Variants in CNTNAP5 observed in about 807,000 individuals in gnomAD.
CNTNAP5 encodes the protein contactin-associated protein-like 5.
In CNTNAP5, 72 loss-of-function variants were observed where a neutral mutation model predicts 150.2. That is an observed-to-expected ratio of 0.48 (90% CI 0.40 to 0.58). CNTNAP5 has a LOEUF of 0.58. Among genes scored for constraint, CNTNAP5 ranks in the 20% least tolerant of loss-of-function variants. CNTNAP5 has a pLI of 0.00. For missense variants in CNTNAP5, 1,636 were observed against 1,626.2 expected, an observed-to-expected ratio of 1.01 and a Z score of -0.10; for synonymous variants, 672 against 619.8, an observed-to-expected ratio of 1.08 and a Z score of -1.25.
chr2:124,204,851 A>T (rs1474756202), intron 1 of CNTNAP5, among the ~76,000 whole-genome samples: 1 of 151,912 alleles, frequency 6.6e-6, no homozygotes, highest in East Asian at 1.9e-4. Flanking sequence ...GGACACAGCC[A>T]AACCATATCA....
chr2:124,859,435 A>T (rs1573667275), intron 19 of CNTNAP5, among the ~76,000 whole-genome samples: 1 of 152,340 alleles, frequency 6.6e-6, no homozygotes, highest in East Asian at 1.9e-4. Context: ...ATGTGGAGAA[A>T]TAGGAACACT....
intron 19 of CNTNAP5, among the ~76,000 whole-genome samples, chr2:124,863,192 G>T (rs1430213806): frequency 6.6e-6 from 1 of 152,202 alleles, no homozygotes; most frequent in African/African-American, 2.4e-5. Flanking sequence ...CGATCACTAT[G>T]TCTGGCACGT....
intron 2 of CNTNAP5, among the ~76,000 whole-genome samples, chr2:124,229,342 G>A (rs546587362): frequency 6.6e-6 from 1 of 152,198 alleles, no homozygotes; most frequent in East Asian, 1.9e-4. Flanking sequence ...CAAGGTCTGG[G>A]CAATCCGGCA....
chr2:124,736,419 C>G (rs975409779), intron 13 of CNTNAP5, among the ~76,000 whole-genome samples: 16 of 152,112 alleles, frequency 1.1e-4, no homozygotes, highest in Admixed American at 9.8e-4. Context: ...CTTATCCTTT[C>G]ATTGTGAAGA....
At chr2:124,328,180 C>T (rs1022752392) in intron 3 of CNTNAP5, among the ~76,000 whole-genome samples, 10 of 151,534 alleles carry the variant, frequency 6.6e-5, no homozygotes, top group South Asian at 6.3e-4. Context: ...TCCCATTTTT[C>T]ATTTATCATA....
intron 11 of CNTNAP5, among the ~76,000 whole-genome samples, chr2:124,588,314 GA>G: frequency 6.6e-6 from 1 of 150,480 alleles, no homozygotes; most frequent in South Asian, 2.1e-4. Flanking sequence ...AGAATTACCT[GA>G]CACTATTATG....
chr2:124,402,479 G>A (rs1691452290), intron 3 of CNTNAP5, among the ~76,000 whole-genome samples: 2 of 152,208 alleles, frequency 1.3e-5, no homozygotes, highest in South Asian at 4.1e-4. Context: ...AGCTCTGAGA[G>A]CCTATACCCA....
At chr2:124,318,223 C>T (rs1385707840) in intron 3 of CNTNAP5, among the ~76,000 whole-genome samples, 1 of 152,188 alleles carries the variant, frequency 6.6e-6, no homozygotes, top group Non-Finnish European at 1.5e-5. Context: ...GCGAAGCAAA[C>T]AGGGGCAAGT....
chr2:124,516,116 AAGT>A (rs2104877222), intron 8 of CNTNAP5, among the ~76,000 whole-genome samples: 1 of 152,322 alleles, frequency 6.6e-6, no homozygotes, highest in South Asian at 2.1e-4. Context: ...AATCTACCAT[AAGT>A]AGGGAAAAGT....
At chr2:124,550,122 T>G (rs2104915822) in intron 10 of CNTNAP5, among the ~76,000 whole-genome samples, 1 of 152,344 alleles carries the variant, frequency 6.6e-6, no homozygotes, top group East Asian at 1.9e-4. Flanking sequence ...GCTAGTGCAG[T>G]GTGTTAAAAC....
chr2:124,701,517 T>C (rs140112596), intron 13 of CNTNAP5, among the ~76,000 whole-genome samples: 188 of 152,296 alleles, frequency 1.2e-3, no homozygotes, highest in African/African-American at 4.2e-3. Context: ...GAGATGGTGA[T>C]TCCATTTCTT....
rs1445570473 is a variant in CNTNAP5, at chr2:124,772,931, T to A, written c.2666T>A (p.Leu889Gln). ...RAERNLKETS[L>Q]QVDNLPRSTR... ...GAGAGGAACCTCAAGGAGACCTCCC[T>A]GCAGGTGGACAACCTTCCAAGGAGC... The change falls in exon 17 of 24, where the codon CTG (leucine) becomes CAG (glutamine). Residue 889 changes from leucine (L) to glutamine (Q), a missense_variant. By Grantham distance (113) the Leu-to-Gln change is moderately radical (BLOSUM62 -2). Coordinates refer to ENST00000682447, the MANE Select transcript of CNTNAP5 (RefSeq NM_001367498.1). 6.2e-7 allele frequency: 1 copy of A among 1,613,762 alleles called. No homozygotes were observed. The highest frequency in any genetic ancestry group is 1.7e-5 in the Admixed American group (1 of 60,008).
chr2:124,223,822 T>C (rs1686388091), intron 2 of CNTNAP5, among the ~76,000 whole-genome samples: 1 of 151,300 alleles, frequency 6.6e-6, no homozygotes, highest in African/African-American at 2.4e-5. Context: ...TTTTCTTCCG[T>C]TTCCCAACAA....
At chr2:124,766,433 A>G (rs1175667107) in intron 16 of CNTNAP5, among the ~76,000 whole-genome samples, 1 of 152,030 alleles carries the variant, frequency 6.6e-6, no homozygotes, top group Non-Finnish European at 1.5e-5. Context: ...GGAGGAGATG[A>G]CAGAGGTGTT....
rs1237017314 is a variant in CNTNAP5, at chr2:124,345,152, T to C, written c.382-72291T>C. ...ACAATGATTGTGAAAAACATTTCAG[T>C]GTTACAGAGTCCTTTGTATGGAAAG... On this transcript the variant is annotated intron_variant, in intron 3 of 23. Transcript: ENST00000682447. Among the ~76,000 whole-genome samples the C allele has an allele frequency of 2.6e-5, 4 of 152,204 alleles. No individual in the cohort carries two copies. The East Asian group carries it at 7.7e-4, about 29-fold the overall frequency.
intron 2 of CNTNAP5, 112 bp from the exon 3 acceptor site, chr2:124,242,088 G>A (rs566920932): frequency 1.5e-4 from 122 of 810,714 alleles, no homozygotes; most frequent in Non-Finnish European, 2.1e-4. Context: ...GGCCCATTTG[G>A]GGGTAGAGTC....
At chr2:124,030,641 A>G (rs570340829) in intron 1 of CNTNAP5, among the ~76,000 whole-genome samples, 100 of 152,224 alleles carry the variant, frequency 6.6e-4, no homozygotes, top group Middle Eastern at 3.4e-3. Flanking sequence ...AGCCAACTCC[A>G]GAGTCACATC....
intron 19 of CNTNAP5, among the ~76,000 whole-genome samples, chr2:124,820,596 CTATCAGTGGAGTTCTTG>C (rs980050272): frequency 2.6e-5 from 4 of 151,308 alleles, no homozygotes; most frequent in Admixed American, 2.6e-4. Flanking sequence ...TCCAAAAATC[CTATCAGTGGAGTTCTTG>C]TATCAGTGGA....
At chr2:124,897,071 G>A (rs545496458) in intron 21 of CNTNAP5, among the ~76,000 whole-genome samples, 2 of 151,534 alleles carry the variant, frequency 1.3e-5, no homozygotes, top group African/African-American at 4.9e-5. Flanking sequence ...TTTTAAATCA[G>A]TGTTTCTCAA....
Sources: gnomAD v4.1 joint callset for allele counts (sites outside exome capture counted in the v4.1 genomes callset) on GRCh38, gnomAD v4.1.1 for gene constraint, MANE v1.5 for transcripts, NCBI Gene and HGNC (gene_info 2026-07-23, HGNC 2026-07-21) for gene names.